Variants in MRPL32 observed in about 807,000 individuals in gnomAD.
MRPL32 encodes mitochondrial ribosomal protein L32.
In MRPL32, 14 loss-of-function variants were observed where a neutral mutation model predicts 21.7. That is an observed-to-expected ratio of 0.64 (90% confidence interval 0.43 to 1.01). MRPL32 has a LOEUF of 1.01. Among genes scored for constraint, MRPL32 ranks in the 50% least tolerant of loss-of-function variants. MRPL32 has a pLI of 0.00. For missense variants in MRPL32, 211 were observed against 235.9 expected, an observed-to-expected ratio of 0.89 and a Z score of 0.69; for synonymous variants, 83 against 87.7, an observed-to-expected ratio of 0.95 and a Z score of 0.30.
chr7:42,934,779 C>A (rs1786398334), intron 1 of MRPL32, among the ~76,000 whole-genome samples, 176 bp from the exon 2 acceptor site: 1 of 152,106 alleles, frequency 6.6e-6, no homozygotes, highest in Non-Finnish European at 1.5e-5. Context: ...ATTGTATAAG[C>A]TTTAGTGTAT....
At chr7:42,936,486 A>G (rs1210602128) in intron 2 of MRPL32, 2 of 152,148 alleles carry the variant, frequency 1.3e-5, no homozygotes, top group Non-Finnish European at 2.9e-5. Flanking sequence ...TCAGAAAAGG[A>G]AATTCTTTTG....
At chr7:42,936,871 A>C (rs1328148242) in intron 2 of MRPL32, 1 of 251,158 alleles carries the variant, frequency 4.0e-6, no homozygotes, top group Non-Finnish European at 7.9e-6. Context: ...GAGGAAGCCA[A>C]GGAAGTCAAC....
chr7:42,936,487 A>G (rs1417616635), intron 2 of MRPL32: 1 of 152,158 alleles, frequency 6.6e-6, no homozygotes, highest in African/African-American at 2.4e-5. Context: ...CAGAAAAGGA[A>G]ATTCTTTTGT....
chr7:42,932,421 C>G lies in MRPL32; in HGVS notation c.35C>G (p.Pro12Arg), dbSNP rs147485050. The G allele has an allele frequency of 6.2e-7, 1 of 1,610,938 alleles. No homozygotes were observed. Among genetic ancestry groups the G allele is most frequent in the Non-Finnish European group, 8.5e-7 (1 of 1,178,184 alleles). Reference sequence around the variant, plus strand: ...GCCATGCTGGTCTTGGTGGTTTCGCCGTGGTCTGCGGCCCGGGGAGTGCTT... The same window carrying G: ...GCCATGCTGGTCTTGGTGGTTTCGCGGTGGTCTGCGGCCCGGGGAGTGCTT... ...ALAMLVLVVS[P>R]WSAARGVLRN... The change falls in exon 1 of 3, where the codon CCG (proline) becomes CGG (arginine). Residue 12 changes from proline (P) to arginine (R), a missense_variant. Pro to Arg is a moderately radical substitution (Grantham distance 103). This residue lies in a region of MRPL32 where 81 missense variants were observed against 55.8 expected (regional missense o/e 1.45). Transcript: ENST00000223324.
At position 42,937,303 on chromosome 7, in the gene MRPL32, TTTG is replaced by T. The variant is rs780978318; in HGVS notation, c.313-16_313-14del. On this transcript the variant is annotated splice_polypyrimidine_tract_variant and intron_variant, in intron 2 of 2. Coordinates refer to ENST00000223324, the MANE Select transcript of MRPL32 (RefSeq NM_031903.3). ...ATATTGCCTCATGTTAAAATACGTT[TTTG>T]TTTATTGTTTTAAAGAACAACATAG... 1.9e-6 allele frequency: 3 copies of T among 1,612,790 alleles called. No individual in the cohort carries two copies. The highest frequency in any genetic ancestry group is 2.5e-6 in the Non-Finnish European group (3 of 1,178,974).
At chr7:42,934,267 CAA>C (rs3028763) in intron 1 of MRPL32, among the ~76,000 whole-genome samples, 99,389 of 124,996 alleles carry the variant, frequency 0.8, 38,984 homozygotes, top group South Asian at 0.89. Flanking sequence ...GACTCAGTCT[CAA>C]AAAAAAAAAA....
At chr7:42,934,509 A>G (rs1786392662) in intron 1 of MRPL32, among the ~76,000 whole-genome samples, 1 of 152,234 alleles carries the variant, frequency 6.6e-6, no homozygotes, top group Admixed American at 6.5e-5. Context: ...TTTGAATATA[A>G]GAAAAGGCAA....
At position 42,937,683 on chromosome 7, in the gene MRPL32, C is replaced by T; in HGVS notation, c.*107C>T. 3.4e-6 allele frequency: 4 copies of T among 1,183,342 alleles called. No homozygotes were observed. Among genetic ancestry groups the T allele is most frequent in the Non-Finnish European group, 4.6e-6 (4 of 866,800 alleles). The allele number at this position is 1,183,342 out of a possible 1,614,324, so 73.3% of individuals were successfully genotyped here. ...TTTTTAAATCATCAGTATAGTTTAA[C>T]ACATTCTTTCTAAGCAGTTTTGTGT... On this transcript the variant is annotated 3_prime_UTR_variant, in exon 3 of 3. Transcript: ENST00000223324.
At chr7:42,937,177 G>A (rs1400085345) in intron 2 of MRPL32, 145 bp from the exon 3 acceptor site, 37 of 1,555,644 alleles carry the variant, frequency 2.4e-5, no homozygotes, top group Non-Finnish European at 3.2e-5. Flanking sequence ...TCCTGTTAAA[G>A]TGAGGTGGAA....
At chr7:42,933,997 G>A (rs1358690438) in intron 1 of MRPL32, among the ~76,000 whole-genome samples, 3 of 152,080 alleles carry the variant, frequency 2.0e-5, no homozygotes, top group African/African-American at 4.8e-5. Context: ...GGCTGGGCGC[G>A]GTGGCTCACA....
Position 42,934,931 on chromosome 7 carries a change from T to C in MRPL32, c.131-24T>C, listed in dbSNP as rs541468611. 2.6e-6 allele frequency: 4 copies of C among 1,512,386 alleles called. No individual in the cohort carries two copies. The African/African-American group carries it at 5.6e-5, about 21-fold the overall frequency. The allele number at this position is 1,512,386 out of a possible 1,614,324, so 93.7% of individuals were successfully genotyped here. A position where few individuals can be genotyped will look rare whatever the true frequency, so the allele number is the denominator to read the frequency against. ...ATTTAGAAGCTAGAAACTAATTCTG[T>C]ATCTCTTATGTTTTATTTCCTAGGA... On this transcript the variant is annotated intron_variant, in intron 1 of 2. Coordinates refer to ENST00000223324, the MANE Select transcript of MRPL32 (RefSeq NM_031903.3).
intron 1 of MRPL32, 78 bp downstream of exon 1, chr7:42,932,594 T>G: frequency 6.9e-7 from 1 of 1,442,482 alleles, no homozygotes; most frequent in Non-Finnish European, 9.2e-7. Context: ...GCTTACACAG[T>G]TCGCCCTCAG....
rs751273523 is a variant in MRPL32, at chr7:42,932,459, G to A, written c.73G>A (p.Glu25Lys). The A allele has an allele frequency of 3.7e-6, 6 of 1,612,418 alleles. No individual in the cohort carries two copies. In the Admixed American group the frequency reaches 8.3e-5, roughly 22 times the overall value. The change falls in exon 1 of 3, where the codon GAG becomes AAG. Residue 25 changes from glutamate (E) to lysine (K), a missense_variant. Transcript: ENST00000223324. ...AARGVLRNYW[E>K]RLLRKLPQSR... Reference sequence around the variant, plus strand: ...CCGGGGAGTGCTTCGAAACTACTGGGAGCGACTGCTACGGAAGCTTCCGCA... The same window carrying A: ...CCGGGGAGTGCTTCGAAACTACTGGAAGCGACTGCTACGGAAGCTTCCGCA...
At chr7:42,935,434 C>T (rs867759528) in intron 2 of MRPL32, 41 of 218,180 alleles carry the variant, frequency 1.9e-4, no homozygotes, top group African/African-American at 8.6e-4. Flanking sequence ...CAGTCTTGAG[C>T]TGTGTGAGTT....
In MRPL32 at chr7:42,937,707, G is replaced by T; in HGVS notation, c.*131G>T. 2 of 1,012,672 alleles carry T rather than the reference G, an allele frequency of 2.0e-6. No individual in the cohort carries two copies. Among genetic ancestry groups the T allele is most frequent in the Admixed American group, 3.2e-5 (1 of 30,832 alleles). The allele number at this position is 1,012,672 out of a possible 1,614,324, so 62.7% of individuals were successfully genotyped here. On this transcript the variant is annotated 3_prime_UTR_variant, in exon 3 of 3. Coordinates refer to ENST00000223324, the MANE Select transcript of MRPL32 (RefSeq NM_031903.3). ...ACACATTCTTTCTAAGCAGTTTTGT[G>T]TGGGATAATTTGAAGAATATATTAT... is the stretch of plus-strand genomic sequence containing the variant.
At chr7:42,936,196 A>G (rs1786419119) in intron 2 of MRPL32, 1 of 152,216 alleles carries the variant, frequency 6.6e-6, no homozygotes, top group Admixed American at 6.5e-5. Flanking sequence ...AGGACGTAAG[A>G]TTTTAGGAAT....
chr7:42,933,473 C>T (rs767283), intron 1 of MRPL32, among the ~76,000 whole-genome samples: 125,547 of 148,562 alleles, frequency 0.85, 53,259 homozygotes, highest in South Asian at 0.91. Flanking sequence ...CCCTCTCCCC[C>T]CTCTCCTCTT....
chr7:42,935,565 A>G (rs1211407573), intron 2 of MRPL32: 2 of 153,444 alleles, frequency 1.3e-5, no homozygotes, highest in African/African-American at 4.8e-5. Flanking sequence ...TTTTTTTATC[A>G]TTTCCAACAA....
chr7:42,933,705 AC>A (rs1786371322), intron 1 of MRPL32, among the ~76,000 whole-genome samples: 1 of 152,214 alleles, frequency 6.6e-6, no homozygotes, highest in Non-Finnish European at 1.5e-5. Flanking sequence ...CCAGAAATAT[AC>A]CAAGAAAATA....
Sources: gnomAD v4.1 joint callset for allele counts (sites outside exome capture counted in the v4.1 genomes callset) on GRCh38, gnomAD v4.1.1 for gene constraint, gnomAD v4.1.1 regional missense constraint, MANE v1.5 for transcripts, NCBI Gene and HGNC (gene_info 2026-07-23, HGNC 2026-07-21) for gene names.